Variants in EYA1 observed in about 807,000 individuals in gnomAD.
EYA1 encodes protein phosphatase EYA1.
In EYA1, 16 loss-of-function variants were observed where a neutral mutation model predicts 82.0. The ratio of observed to expected loss-of-function variants is 0.20; its 90% CI spans 0.13 to 0.30. The LOEUF (loss-of-function observed/expected upper bound fraction) is 0.30. EYA1 is among the 10% of genes least tolerant of loss of function. The pLI is 1.00. For missense variants in EYA1, 633 were observed against 730.7 expected, an observed-to-expected ratio of 0.87 and a Z score of 1.54; for synonymous variants, 261 against 264.4, an observed-to-expected ratio of 0.99 and a Z score of 0.12.
intron 2 of EYA1, among the ~76,000 whole-genome samples, chr8:71,380,764 T>C (rs1280546661): frequency 1.3e-5 from 2 of 152,248 alleles, no homozygotes; most frequent in Non-Finnish European, 2.9e-5. Flanking sequence ...CCTGCTTCCT[T>C]ATTTATCTAT....
At chr8:71,269,697 T>C (rs767875189) in intron 11 of EYA1, 43 bp downstream of exon 11, 19 of 1,402,392 alleles carry the variant, frequency 1.4e-5, no homozygotes, top group Non-Finnish European at 1.6e-5. Flanking sequence ...TAGAGGTATA[T>C]TTACTCCAAA....
At chr8:71,433,034 A>AGGTTT (rs1805738071) in intron 2 of EYA1, among the ~76,000 whole-genome samples, 1 of 152,212 alleles carries the variant, frequency 6.6e-6, no homozygotes, top group African/African-American at 2.4e-5. Context: ...TGTGAAACAA[A>AGGTTT]GGTTTAAAGA....
chr8:71,206,517 C>T (rs957883325), intron 17 of EYA1, among the ~76,000 whole-genome samples: 6 of 151,658 alleles, frequency 4.0e-5, no homozygotes, highest in Admixed American at 1.3e-4. Context: ...CACCACTCTC[C>T]GACTGCAGAA....
intron 2 of EYA1, among the ~76,000 whole-genome samples, chr8:71,526,437 T>C (rs1307124405): frequency 6.6e-6 from 1 of 152,190 alleles, no homozygotes; most frequent in Non-Finnish European, 1.5e-5. Flanking sequence ...AGATTTATTA[T>C]CTCACACAAA....
intron 2 of EYA1, among the ~76,000 whole-genome samples, chr8:71,425,886 C>T (rs1048684895): frequency 3.9e-5 from 6 of 152,142 alleles, no homozygotes; most frequent in East Asian, 1.9e-4. Flanking sequence ...AGAAAGCAAA[C>T]GTGAAATTCT....
chr8:71,468,854 T>C (rs1442124980), intron 2 of EYA1, among the ~76,000 whole-genome samples: 1 of 152,158 alleles, frequency 6.6e-6, no homozygotes, highest in African/African-American at 2.4e-5. Context: ...AATTTTTACA[T>C]TTATTTTTAT....
At chr8:71,317,877 G>T (rs1262642159) in intron 6 of EYA1, among the ~76,000 whole-genome samples, 188 bp from the exon 7 acceptor site, 2 of 152,156 alleles carry the variant, frequency 1.3e-5, no homozygotes. Flanking sequence ...CAGGATTACA[G>T]ATTTGAATGT....
chr8:71,446,230 C>T (rs1009601601), intron 2 of EYA1, among the ~76,000 whole-genome samples: 11 of 152,110 alleles, frequency 7.2e-5, no homozygotes, highest in African/African-American at 2.7e-4. Flanking sequence ...TCTCCATAAT[C>T]CCCAGGTGTT....
Position 71,271,862 on chromosome 8 carries a change from T to C in EYA1, c.862A>G (p.Lys288Glu). The change falls in exon 10 of 18, where the codon AAA (lysine) becomes GAA (glutamate). Residue 288 changes from lysine to glutamate, a missense_variant. Physicochemically the swap from Lys to Glu is moderately conservative, Grantham distance 56. Coordinates refer to ENST00000340726, the MANE Select transcript of EYA1 (RefSeq NM_000503.6). ...CGCAATCGATCAGAATCTGAATCTT[T>C]AATGGGTGTTGATGGGCTGTGGATT... is the stretch of plus-strand genomic sequence containing the variant. ...STIHSPSTPI[K>E]DSDSDRLRRG... The C allele has an allele frequency of 6.2e-7, 1 of 1,614,206 alleles. No homozygotes were observed.
rs1325278008 is a variant in EYA1, at chr8:71,207,504, GAGTGGTTTGCAGCAGATATT to G, written c.1698+3632_1698+3651del. Among the ~76,000 whole-genome samples, 3 of 152,220 alleles carry G rather than the reference GAGTGGTTTGCAGCAGATATT, an allele frequency of 2.0e-5. No homozygotes were observed. The East Asian group carries it at 5.8e-4, about 29-fold the overall frequency. The stretch of plus-strand genomic sequence containing the variant: ...ACACAGGCAGTTCTCAAGGTACAAA[GAGTGGTTTGCAGCAGATATT>G]TTTGGACTCTTGTCACGTACAGTCA... On this transcript the variant is annotated intron_variant, in intron 17 of 17. Coordinates refer to ENST00000340726, the MANE Select transcript of EYA1 (RefSeq NM_000503.6).
chr8:71,259,715 G>C (rs1179749068), intron 11 of EYA1, among the ~76,000 whole-genome samples: 1 of 152,160 alleles, frequency 6.6e-6, no homozygotes, highest in Admixed American at 6.5e-5. Context: ...ACTCAAAACA[G>C]ATAGAAAGTT....
At chr8:71,526,540 G>A (rs1292586087) in intron 2 of EYA1, among the ~76,000 whole-genome samples, 1 of 152,194 alleles carries the variant, frequency 6.6e-6, no homozygotes, top group Non-Finnish European at 1.5e-5. Flanking sequence ...TGGGGCTGCA[G>A]TCATCTGAAG....
chr8:71,245,542 T>A (rs1169930305), intron 11 of EYA1, among the ~76,000 whole-genome samples: 1 of 152,058 alleles, frequency 6.6e-6, no homozygotes, highest in Non-Finnish European at 1.5e-5. Context: ...ATGATTTTTT[T>A]TTTTTTTAGC....
intron 3 of EYA1, among the ~76,000 whole-genome samples, chr8:71,338,311 G>T (rs1156248862): frequency 6.6e-6 from 1 of 152,216 alleles, no homozygotes; most frequent in East Asian, 1.9e-4. Context: ...ATCATTAAAA[G>T]GCAGTGTATA....
intron 2 of EYA1, among the ~76,000 whole-genome samples, chr8:71,449,398 C>T (rs1298305475): frequency 6.6e-6 from 1 of 152,214 alleles, no homozygotes; most frequent in African/African-American, 2.4e-5. Context: ...CAGTAATCTC[C>T]TTGTACATCT....
At chr8:71,392,133 C>G (rs532165920) in intron 2 of EYA1, among the ~76,000 whole-genome samples, 1 of 152,276 alleles carries the variant, frequency 6.6e-6, no homozygotes, top group South Asian at 2.1e-4. Flanking sequence ...TTCCTCTGTA[C>G]AGAAAAACAG....
chr8:71,342,587 T>G (rs561771004), intron 3 of EYA1, among the ~76,000 whole-genome samples: 6 of 152,260 alleles, frequency 3.9e-5, no homozygotes, highest in Admixed American at 2.6e-4. Context: ...CACCAAAACA[T>G]TTCAGAACCC....
intron 12 of EYA1, among the ~76,000 whole-genome samples, chr8:71,234,815 T>G (rs1484775276): frequency 6.6e-6 from 1 of 152,138 alleles, no homozygotes; most frequent in Non-Finnish European, 1.5e-5. Flanking sequence ...CAAACCTGTA[T>G]GTCTACCTGC....
At chr8:71,287,845 T>G (rs1343287050) in intron 9 of EYA1, among the ~76,000 whole-genome samples, 1 of 152,230 alleles carries the variant, frequency 6.6e-6, no homozygotes, top group East Asian at 1.9e-4. Flanking sequence ...ATGGAAGAAA[T>G]GGACATTTGA....
Sources: gnomAD v4.1 joint callset for allele counts (sites outside exome capture counted in the v4.1 genomes callset) on GRCh38, gnomAD v4.1.1 for gene constraint, MANE v1.5 for transcripts, NCBI Gene and HGNC (gene_info 2026-07-23, HGNC 2026-07-21) for gene names.